Variants in KATNAL1 observed in about 807,000 individuals in gnomAD.
KATNAL1 encodes the protein katanin p60 ATPase-containing subunit A-like 1.
In KATNAL1, 32 loss-of-function variants were observed where a neutral mutation model predicts 55.2. The ratio of observed to expected loss-of-function variants is 0.58; its 90% confidence interval spans 0.44 to 0.78. The LOEUF is 0.78. Ranked by LOEUF, KATNAL1 falls within the 30% of genes least tolerant of loss-of-function variation. The probability of loss-of-function intolerance (pLI) is 0.00; values close to 1 mark genes in which losing one functional copy is unlikely to be tolerated. For synonymous variants in KATNAL1, 193 were observed against 193.6 expected, an observed-to-expected ratio of 1.00 and a Z score of 0.02; for missense variants, 466 against 600.9, an observed-to-expected ratio of 0.78 and a Z score of 2.35.
intron 1 of KATNAL1, among the ~76,000 whole-genome samples, chr13:30,300,839 T>C (rs1882808253): frequency 1.3e-5 from 2 of 152,330 alleles, no homozygotes; most frequent in East Asian, 3.9e-4. Context: ...GGCTTTTCAT[T>C]TATTTTTTAC....
At chr13:30,296,922 T>G (rs1332258326) in intron 1 of KATNAL1, among the ~76,000 whole-genome samples, 1 of 151,876 alleles carries the variant, frequency 6.6e-6, no homozygotes, top group East Asian at 1.9e-4. Context: ...AGCTGAATAG[T>G]GACGCCCACT....
chr13:30,215,231 T>G (rs1874094425), intron 9 of KATNAL1, among the ~76,000 whole-genome samples: 2 of 151,820 alleles, frequency 1.3e-5, no homozygotes, highest in Admixed American at 1.3e-4. Context: ...TGAGATACCA[T>G]CTCACACCAG....
At chr13:30,258,402 CA>C (rs1234683289) in intron 3 of KATNAL1, among the ~76,000 whole-genome samples, 1 of 152,182 alleles carries the variant, frequency 6.6e-6, no homozygotes, top group Non-Finnish European at 1.5e-5. Context: ...ATATGCTTTG[CA>C]AATATCTTCT....
chr13:30,280,346 ACATT>A lies in KATNAL1; in HGVS notation c.163-127_163-124del, dbSNP rs369474814. On this transcript the variant is annotated intron_variant, in intron 2 of 10. Coordinates refer to ENST00000380615, the MANE Select transcript of KATNAL1 (RefSeq NM_032116.5). Reference sequence around the variant, plus strand: ...AAAGGGTGAAAAATGAATCATTAAAACATTCATAAATACAAAGAACTATTTCAAG... The same window carrying A: ...AAAGGGTGAAAAATGAATCATTAAAACATAAATACAAAGAACTATTTCAAG... The A allele has an allele frequency of 2.2e-3, 1,440 of 650,676 alleles. 3 individuals carry two copies. The highest frequency in any genetic ancestry group is 3.1e-3 in the Non-Finnish European group (1,308 of 428,540). The allele number at this position is 650,676 out of a possible 1,614,324, so 40.3% of individuals were successfully genotyped here.
intron 1 of KATNAL1, among the ~76,000 whole-genome samples, chr13:30,299,865 G>A (rs548905742): frequency 1.3e-5 from 2 of 152,220 alleles, no homozygotes; most frequent in East Asian, 3.9e-4. Flanking sequence ...TCTGGTTCCA[G>A]ATAATTATTT....
chr13:30,259,900 A>G (rs1003374792), intron 3 of KATNAL1, among the ~76,000 whole-genome samples: 2 of 152,224 alleles, frequency 1.3e-5, no homozygotes, highest in African/African-American at 4.8e-5. Context: ...CTGCCTCTGT[A>G]GGCTCCACCT....
At chr13:30,236,648 G>T (rs1876718861) in intron 6 of KATNAL1, among the ~76,000 whole-genome samples, 1 of 152,272 alleles carries the variant, frequency 6.6e-6, no homozygotes, top group South Asian at 2.1e-4. Flanking sequence ...ACAGAAAAGA[G>T]ATCTTCCTAC....
At chr13:30,224,199 C>T (rs1021116515) in intron 9 of KATNAL1, among the ~76,000 whole-genome samples, 1 of 151,712 alleles carries the variant, frequency 6.6e-6, no homozygotes, top group African/African-American at 2.4e-5. Flanking sequence ...GAGATAAAAG[C>T]AAAGCAGTAC....
At chr13:30,294,923 G>A (rs1882381136) in intron 1 of KATNAL1, among the ~76,000 whole-genome samples, 1 of 152,188 alleles carries the variant, frequency 6.6e-6, no homozygotes, top group African/African-American at 2.4e-5. Flanking sequence ...CTAGATGACA[G>A]CACATCTGTT....
At chr13:30,283,264 C>A (rs1280134846) in intron 2 of KATNAL1, among the ~76,000 whole-genome samples, 2 of 14,738 alleles carry the variant, frequency 1.4e-4, no homozygotes, top group Non-Finnish European at 2.1e-4. Flanking sequence ...AAGACTCTGT[C>A]TCAAAAAAAA....
At chr13:30,253,582 G>A (rs1342077377) in intron 4 of KATNAL1, among the ~76,000 whole-genome samples, 2 of 149,278 alleles carry the variant, frequency 1.3e-5, no homozygotes. Context: ...GGAGAATGAC[G>A]TGAACCTGGG....
rs934137377 is a variant in KATNAL1, at chr13:30,206,108, C to T, written c.*2432G>A. 4.6e-5 allele frequency: 7 copies of T among 152,030 alleles called. No homozygotes were observed. The highest frequency in any genetic ancestry group is 7.3e-5 in the Non-Finnish European group (5 of 68,140). The allele number at this position is 152,030 out of a possible 1,614,324, so 9.4% of individuals were successfully genotyped here. On this transcript the variant is annotated 3_prime_UTR_variant, in exon 11 of 11. Transcript: ENST00000380615. Reference sequence around the variant, plus strand: ...GACTAGCCTGGCCAACATGGTGAAACTCTGCCTCTACTAAAAATACAAAAA... The same window carrying T: ...GACTAGCCTGGCCAACATGGTGAAATTCTGCCTCTACTAAAAATACAAAAA...
At chr13:30,283,283 AAAAAAAAAG>A (rs1360297128) in intron 2 of KATNAL1, among the ~76,000 whole-genome samples, 35 of 150,062 alleles carry the variant, frequency 2.3e-4, no homozygotes, top group African/African-American at 3.7e-4. Flanking sequence ...AAAAAAAAAA[AAAAAAAAAG>A]GAATGAATGA....
chr13:30,259,861 G>A (rs1483059645), intron 3 of KATNAL1, among the ~76,000 whole-genome samples: 2 of 152,222 alleles, frequency 1.3e-5, no homozygotes, highest in Non-Finnish European at 2.9e-5. Flanking sequence ...CGAACTGGGT[G>A]GAGCCCACCA....
At chr13:30,243,038 A>G (rs1408169114) in intron 4 of KATNAL1, among the ~76,000 whole-genome samples, 1 of 152,206 alleles carries the variant, frequency 6.6e-6, no homozygotes, top group East Asian at 1.9e-4. Flanking sequence ...CCAAGATATT[A>G]CTAAGTGTAC....
chr13:30,279,332 G>T (rs1212767618), intron 3 of KATNAL1, among the ~76,000 whole-genome samples: 2 of 152,172 alleles, frequency 1.3e-5, no homozygotes, highest in Non-Finnish European at 2.9e-5. Flanking sequence ...CAAATCTTTT[G>T]AAGCAACAAA....
chr13:30,304,293 C>T (rs1310845510), intron 1 of KATNAL1, among the ~76,000 whole-genome samples: 2 of 148,246 alleles, frequency 1.3e-5, no homozygotes, highest in African/African-American at 2.5e-5. Context: ...TTTCCTGACA[C>T]GGAGTCTCGC....
chr13:30,284,137 G>T (rs972528290), intron 1 of KATNAL1, among the ~76,000 whole-genome samples: 1 of 152,106 alleles, frequency 6.6e-6, no homozygotes, highest in East Asian at 1.9e-4. Context: ...TGGGATTACA[G>T]GCGTGAGCCA....
chr13:30,217,414 A>G (rs534815778), intron 9 of KATNAL1, among the ~76,000 whole-genome samples: 180 of 152,334 alleles, frequency 1.2e-3, no homozygotes, highest in Non-Finnish European at 1.8e-3. Context: ...AGATCGCGCC[A>G]CTGCACTCCA....
Sources: gnomAD v4.1 joint callset for allele counts (sites outside exome capture counted in the v4.1 genomes callset) on GRCh38, gnomAD v4.1.1 for gene constraint, MANE v1.5 for transcripts, NCBI Gene and HGNC (gene_info 2026-07-23, HGNC 2026-07-21) for gene names.